CDC5L: variants seen among roughly 807,000 people sequenced by gnomAD.
The protein encoded by CDC5L is cell division cycle 5-like protein.
In CDC5L, 18 loss-of-function variants were observed where a neutral mutation model predicts 104.1. The observed-to-expected ratio is 0.17, with a 90% CI of 0.12 to 0.26. CDC5L has a LOEUF of 0.26. CDC5L is among the 10% of genes least tolerant of loss of function. The pLI, the probability that CDC5L is intolerant of heterozygous loss-of-function variation, is 1.00. For synonymous variants in CDC5L, 331 were observed against 322.7 expected, an observed-to-expected ratio of 1.03 and a Z score of -0.28; for missense variants, 673 against 956.9, an observed-to-expected ratio of 0.70 and a Z score of 3.91.
chr6:44,431,082 G>C (rs1172400023), intron 14 of CDC5L, among the ~76,000 whole-genome samples: 1 of 152,138 alleles, frequency 6.6e-6, no homozygotes, highest in East Asian at 1.9e-4. Flanking sequence ...GGGGTGGTTG[G>C]GGCTGTATGG....
At chr6:44,391,052 T>G in intron 2 of CDC5L, among the ~76,000 whole-genome samples, 1 of 135,226 alleles carries the variant, frequency 7.4e-6, no homozygotes, top group African/African-American at 2.8e-5. Context: ...ATATTATATA[T>G]TAAACATATT....
At chr6:44,422,224 C>G (rs879495526) in intron 9 of CDC5L, among the ~76,000 whole-genome samples, 4 of 152,076 alleles carry the variant, frequency 2.6e-5, no homozygotes, top group Non-Finnish European at 5.9e-5. Flanking sequence ...GTAATAATGA[C>G]AGTGATAGTG....
chr6:44,439,885 A>G (rs1027127212), intron 14 of CDC5L, among the ~76,000 whole-genome samples: 1 of 152,166 alleles, frequency 6.6e-6, no homozygotes, highest in East Asian at 1.9e-4. Context: ...CATCAGCTCA[A>G]AACAGCTGGG....
chr6:44,398,797 T>A (rs1334735742), intron 5 of CDC5L, among the ~76,000 whole-genome samples: 1 of 152,260 alleles, frequency 6.6e-6, no homozygotes, highest in African/African-American at 2.4e-5. Flanking sequence ...AATACATTTT[T>A]CTAAACTTTT....
At chr6:44,400,972 GCTC>G (rs1384435468) in intron 5 of CDC5L, among the ~76,000 whole-genome samples, 11 of 152,140 alleles carry the variant, frequency 7.2e-5, no homozygotes, top group African/African-American at 2.2e-4. Context: ...CCCCAGAAGG[GCTC>G]CTCCCAGCTC....
chr6:44,434,703 T>G (rs902796181), intron 14 of CDC5L, among the ~76,000 whole-genome samples: 1 of 152,216 alleles, frequency 6.6e-6, no homozygotes, highest in Non-Finnish European at 1.5e-5. Flanking sequence ...GGACTTTTAC[T>G]GAAGACAGTA....
At position 44,393,483 on chromosome 6, in the gene CDC5L, A is replaced by G. The variant is rs142993737; in HGVS notation, c.349A>G (p.Thr117Ala). 4.5e-5 allele frequency: 73 copies of G among 1,614,046 alleles called. No homozygotes were observed. In the Middle Eastern group the frequency reaches 9.9e-4, roughly 22 times the overall value. ...CCAAAGAGACAATGAAGAGGAAACAACAGATGATCCACGAAAACTTAAACC... is the reference window on the plus strand; with the variant it reads ...CCAAAGAGACAATGAAGAGGAAACAGCAGATGATCCACGAAAACTTAAACC... ...AAQRDNEEET[T>A]DDPRKLKPGE... Residue 117 changes from threonine (T) to alanine (A), a missense_variant, in exon 4 of 16, where the codon ACA becomes GCA. Physicochemically the swap from Thr to Ala is moderately conservative, Grantham distance 58. Coordinates refer to ENST00000371477, the MANE Select transcript of CDC5L (RefSeq NM_001253.4).
intron 6 of CDC5L, 125 bp downstream of exon 6, chr6:44,404,152 AT>A (rs553652669): frequency 4.7e-3 from 2,611 of 561,046 alleles, no homozygotes; most frequent in Middle Eastern, 0.01. Context: ...TTTAAAATCA[AT>A]TTTTTTTTTG....
intron 7 of CDC5L, among the ~76,000 whole-genome samples, chr6:44,406,697 A>G (rs1291760779): frequency 6.6e-6 from 1 of 152,220 alleles, no homozygotes; most frequent in Admixed American, 6.5e-5. Flanking sequence ...ACCTGAGGTC[A>G]GGAGTTCAAG....
chr6:44,402,573 A>C (rs1446387185), intron 5 of CDC5L, among the ~76,000 whole-genome samples: 1 of 152,172 alleles, frequency 6.6e-6, no homozygotes, highest in Non-Finnish European at 1.5e-5. Context: ...CATCTTTCAT[A>C]TTGTGAATAG....
At chr6:44,409,391 ATTGTCTGTTATAAT>A (rs960347874) in intron 8 of CDC5L, among the ~76,000 whole-genome samples, 55 of 152,104 alleles carry the variant, frequency 3.6e-4, no homozygotes, top group African/African-American at 1.3e-3. Context: ...CTATTCCCCT[ATTGTCTGTTATAAT>A]TTGGTTAGCT....
intron 14 of CDC5L, among the ~76,000 whole-genome samples, chr6:44,431,380 G>C (rs552983572): frequency 2.0e-5 from 3 of 152,278 alleles, no homozygotes; most frequent in East Asian, 3.9e-4. Context: ...TGGTTAAATT[G>C]TAAGTTACAT....
At chr6:44,419,874 G>A (rs1232008717) in intron 9 of CDC5L, among the ~76,000 whole-genome samples, 1 of 151,998 alleles carries the variant, frequency 6.6e-6, no homozygotes, top group East Asian at 1.9e-4. Context: ...CCGGGTTCAA[G>A]CGATTCTCGT....
chr6:44,435,993 G>A (rs1043876094), intron 14 of CDC5L, among the ~76,000 whole-genome samples: 1 of 151,962 alleles, frequency 6.6e-6, no homozygotes, highest in Non-Finnish European at 1.5e-5. Flanking sequence ...GGTCAGGCTG[G>A]TCTTGAACTC....
At chr6:44,435,320 G>T (rs1299825383) in intron 14 of CDC5L, among the ~76,000 whole-genome samples, 3 of 151,682 alleles carry the variant, frequency 2.0e-5, no homozygotes, top group Admixed American at 1.3e-4. Flanking sequence ...GTTAATAAAA[G>T]AATTTAGAAT....
In CDC5L at chr6:44,426,181, G is replaced by A. The variant is rs771915962; in HGVS notation, c.1648G>A (p.Glu550Lys). Reference sequence around the variant, plus strand: ...CCAGAAAGATCTGCCAAGACCATCAGAAGTAAGTGTTAGAATTTCTGGTTT... The same window carrying A: ...CCAGAAAGATCTGCCAAGACCATCAAAAGTAAGTGTTAGAATTTCTGGTTT... The part of the protein sequence containing the change: ...AVQKDLPRPS[E>K]VNETILRPLN... Residue 550 changes from glutamate to lysine, a missense_variant and splice_region_variant, in exon 12 of 16, where the codon GAA becomes AAA. Physicochemically the swap from Glu to Lys is moderately conservative, Grantham distance 56. Around this residue, in one of 4 missense-constraint regions of CDC5L, gnomAD observed 578 missense variants for 737.0 expected, o/e 0.78. Transcript: ENST00000371477. 3 of 1,597,976 alleles carry A rather than the reference G, an allele frequency of 1.9e-6. No homozygotes were observed. The highest frequency in any genetic ancestry group is 2.6e-6 in the Non-Finnish European group (3 of 1,168,888).
At chr6:44,426,008 C>A in intron 11 of CDC5L, 95 bp from the exon 12 acceptor site, 1 of 730,820 alleles carries the variant, frequency 1.4e-6, no homozygotes, top group Non-Finnish European at 2.2e-6. Flanking sequence ...AGCTATTGAA[C>A]ACACATGATC....
intron 2 of CDC5L, among the ~76,000 whole-genome samples, chr6:44,392,395 A>G (rs957931507): frequency 2.0e-5 from 3 of 152,210 alleles, no homozygotes; most frequent in Non-Finnish European, 4.4e-5. Context: ...ATAAATAAAA[A>G]CATGATAGAT....
chr6:44,389,286 A>C (rs748802945), intron 1 of CDC5L, among the ~76,000 whole-genome samples: 1 of 152,196 alleles, frequency 6.6e-6, no homozygotes, highest in Non-Finnish European at 1.5e-5. Flanking sequence ...AGAAGAGATG[A>C]CTTCTGAGGG....
Sources: gnomAD v4.1 joint callset for allele counts (sites outside exome capture counted in the v4.1 genomes callset) on GRCh38, gnomAD v4.1.1 for gene constraint, gnomAD v4.1.1 regional missense constraint, MANE v1.5 for transcripts, NCBI Gene and HGNC (gene_info 2026-07-23, HGNC 2026-07-21) for gene names.